SKIDA1: variants seen among roughly 807,000 people sequenced by gnomAD.
SKIDA1 encodes SKI/DACH domain containing 1.
A neutral mutation model predicts 51.4 loss-of-function variants in SKIDA1; 18 were observed. The observed-to-expected ratio is 0.35, with a 90% confidence interval of 0.24 to 0.52. The LOEUF (loss-of-function observed/expected upper bound fraction) is 0.52. SKIDA1 is among the 20% of genes least tolerant of loss of function. SKIDA1 has a pLI of 0.95. For missense variants in SKIDA1, 1,104 were observed against 1,180.6 expected (o/e 0.94, Z 0.95); for synonymous variants, 579 against 500.5 (o/e 1.16, Z -2.09).
rs1661557487 is a variant in SKIDA1 at position 21,523,855 on chromosome 10, C to T, written c.-2101G>A. ...TGGAGCCAATCACTGTCTTTCACTG[C>T]TGCAGCTACTGGGAACCTACAAAAA... is the stretch of plus-strand genomic sequence containing the variant. On this transcript the variant is annotated 5_prime_UTR_variant, in exon 2 of 4. Transcript: ENST00000449193. The T allele has an allele frequency of 6.7e-6, 1 of 149,778 alleles. No homozygotes were observed. The highest frequency in any genetic ancestry group is 6.7e-5 in the Admixed American group (1 of 14,946). 9.3% of individuals were successfully genotyped at this position (149,778 alleles called of 1,614,324 possible). A position where few individuals can be genotyped will look rare whatever the true frequency, so the allele number is the denominator to read the frequency against.
At position 21,525,644 on chromosome 10, in the gene SKIDA1, G is replaced by C. The variant is rs1484251692; in HGVS notation, c.-2215C>G. The C allele has an allele frequency of 6.6e-6, 1 of 152,456 alleles. No individual in the cohort carries two copies. 9.4% of individuals were successfully genotyped at this position (152,456 alleles called of 1,614,324 possible). ...GGAAGGGGAGGAGAGAGGAGAGGGAGGAGTAAATTCAACCACCCCCACTTG... is the reference window on the plus strand; with the variant it reads ...GGAAGGGGAGGAGAGAGGAGAGGGACGAGTAAATTCAACCACCCCCACTTG... On this transcript the variant is annotated 5_prime_UTR_variant, in exon 1 of 4. Coordinates refer to ENST00000449193, the MANE Select transcript of SKIDA1 (RefSeq NM_207371.4).
Position 21,518,477 on chromosome 10 carries a change from C to T in SKIDA1, c.-655G>A, listed in dbSNP as rs1176205597. On this transcript the variant is annotated 5_prime_UTR_variant, in exon 4 of 4. Transcript: ENST00000449193. ...TATATAAATCTTTCCATTAAACTAT[C>T]GGAGCTCAGAAACAGCCTGACTCAC... 2 of 166,212 alleles carry T rather than the reference C, an allele frequency of 1.2e-5. No individual in the cohort carries two copies. The allele number at this position is 166,212 out of a possible 1,614,324, so 10.3% of individuals were successfully genotyped here. A position where few individuals can be genotyped will look rare whatever the true frequency, so the allele number is the denominator to read the frequency against.
intron 1 of SKIDA1, among the ~76,000 whole-genome samples, chr10:21,524,951 G>A (rs926095018): frequency 2.6e-5 from 4 of 152,288 alleles, no homozygotes; most frequent in African/African-American, 7.2e-5. Context: ...AACTAAGAAT[G>A]AGAAAAAAGT....
Position 21,515,973 on chromosome 10 carries a change from G to T in SKIDA1, c.1850C>A (p.Ala617Asp), listed in dbSNP as rs2032188190. 2.5e-6 allele frequency: 4 copies of T among 1,613,910 alleles called. No individual in the cohort carries two copies. Among genetic ancestry groups the T allele is most frequent in the Non-Finnish European group, 3.4e-6 (4 of 1,179,838 alleles). ...AGAATCATTATTTAAGAACCTAGCA[G>T]CTATTGTGTTGTTATCTGCACAGTG... ...TTHCADNNTI[A>D]ARFLNNDSSG... The change falls in exon 4 of 4, where the codon GCT becomes GAT. Residue 617 changes from alanine (A) to aspartate (D), a missense_variant. By Grantham distance (126) the Ala-to-Asp change is moderately radical. Coordinates refer to ENST00000449193, the MANE Select transcript of SKIDA1 (RefSeq NM_207371.4).
At position 21,516,337 on chromosome 10, in the gene SKIDA1, G is replaced by T; in HGVS notation, c.1486C>A (p.Pro496Thr). ...HLASAAAATK[P>T]AAFEDAGRLP... ...CTGCCGGCATCCTCGAAAGCAGCGGGTTTGGTTGCAGCGGCGGCGGAGGCC... is the reference window on the plus strand; with the variant it reads ...CTGCCGGCATCCTCGAAAGCAGCGGTTTTGGTTGCAGCGGCGGCGGAGGCC... The change falls in exon 4 of 4, where the codon CCC becomes ACC. Residue 496 changes from proline (P) to threonine (T), a missense_variant. This residue lies in a region of SKIDA1 where 938 missense variants were observed against 886.4 expected (regional missense o/e 1.06). Coordinates refer to ENST00000449193, the MANE Select transcript of SKIDA1 (RefSeq NM_207371.4). The surrounding 1 kb of genome is among the most constrained non-coding windows in gnomAD (Gnocchi z 5.7). 1 of 1,613,708 alleles carries T rather than the reference G, an allele frequency of 6.2e-7. No individual in the cohort carries two copies. Among genetic ancestry groups the T allele is most frequent in the South Asian group, 1.1e-5 (1 of 91,088 alleles).
In SKIDA1 at chr10:21,516,999, C is replaced by A; in HGVS notation, c.824G>T (p.Arg275Leu). The A allele has an allele frequency of 8.9e-7, 1 of 1,129,562 alleles. No individual in the cohort carries two copies. Among genetic ancestry groups the A allele is most frequent in the Non-Finnish European group, 1.1e-6 (1 of 923,400 alleles). The allele number at this position is 1,129,562 out of a possible 1,614,324, so 70.0% of individuals were successfully genotyped here. The stretch of plus-strand genomic sequence containing the variant: ...GAGCAGGCAGTCCTTGGCGCCGCCG[C>A]GCTTGCGCTTGCAGCGGTAGCTCAG... ...GSLSYRCKRK[R>L]GGAKDCLLAP... is the part of the protein sequence containing the mutation. Residue 275 changes from arginine (R) to leucine (L), a missense_variant, in exon 4 of 4, where the codon CGC becomes CTC. Physicochemically the swap from Arg to Leu is moderately radical, Grantham distance 102 (BLOSUM62 -2). Around this residue, in one of 3 missense-constraint regions of SKIDA1, gnomAD observed 938 missense variants for 886.4 expected, o/e 1.06. Coordinates refer to ENST00000449193, the MANE Select transcript of SKIDA1 (RefSeq NM_207371.4). This position sits in a 1 kb window ranked among gnomAD's most constrained non-coding sequence, Gnocchi z 5.7.
chr10:21,516,570 C>CCCT lies in SKIDA1; in HGVS notation c.1250_1252dup (p.Glu417dup), dbSNP rs770850522. The CCCT allele has an allele frequency of 6.5e-7, 1 of 1,541,300 alleles. No individual in the cohort carries two copies. The highest frequency in any genetic ancestry group is 8.8e-7 in the Non-Finnish European group (1 of 1,139,656). ...CTCCTCTTCCTCCTCCTCCTCCTCT[C>CCCT]CCTCCTCCTCCTCTTCCTCTGAGGA... is the stretch of plus-strand genomic sequence containing the variant. On this transcript the variant is annotated inframe_insertion, in exon 4 of 4. Coordinates refer to ENST00000449193, the MANE Select transcript of SKIDA1 (RefSeq NM_207371.4). The surrounding 1 kb of genome is among the most constrained non-coding windows in gnomAD (Gnocchi z 5.7).
chr10:21,515,610 AAACCTTCCTTGG>A lies in SKIDA1; in HGVS notation c.2201_2212del (p.Ala734_Phe738delinsVal). 6.2e-7 allele frequency: 1 copy of A among 1,613,992 alleles called. No individual in the cohort carries two copies. Among genetic ancestry groups the A allele is most frequent in the South Asian group, 1.1e-5 (1 of 91,078 alleles). On this transcript the variant is annotated inframe_deletion, in exon 4 of 4. Transcript: ENST00000449193. ...AGGAGTTTCTTTTTCAGGGCATGCAAAACCTTCCTTGGCTGTGGTTAACAAGGCGTCCTCCTC... is the reference window on the plus strand; with the variant it reads ...AGGAGTTTCTTTTTCAGGGCATGCAACTGTGGTTAACAAGGCGTCCTCCTC...
rs1210884049 is a variant in SKIDA1, at chr10:21,517,711, T to C, written c.112A>G (p.Lys38Glu). ...ALSQVFTDLL[K>E]NIPRTTVHKR... The stretch of plus-strand genomic sequence containing the variant: ...TGCACGGTCGTCCTCGGGATGTTTT[T>C]CAGCAGATCTGTGAAGACTTGGGAG... Residue 38 changes from lysine to glutamate, a missense_variant, in exon 4 of 4, where the codon AAA (lysine) becomes GAA (glutamate). By Grantham distance (56) the Lys-to-Glu change is moderately conservative. This residue lies in a region of SKIDA1 where 54 missense variants were observed against 126.0 expected (regional missense o/e 0.43). Coordinates refer to ENST00000449193, the MANE Select transcript of SKIDA1 (RefSeq NM_207371.4). This position sits in a 1 kb window ranked among gnomAD's most constrained non-coding sequence, Gnocchi z 6.9. 1 of 1,614,000 alleles carries C rather than the reference T, an allele frequency of 6.2e-7. No homozygotes were observed. Among genetic ancestry groups the C allele is most frequent in the South Asian group, 1.1e-5 (1 of 91,080 alleles).
At position 21,519,598 on chromosome 10, in the gene SKIDA1, C is replaced by T. The variant is rs1486400556; in HGVS notation, c.-1776G>A. ...TGCAACCCAGGCATTTATGTGTTTC[C>T]TTGTTCCTCCAAAAATAGACACATC... On this transcript the variant is annotated 5_prime_UTR_variant, in exon 4 of 4. Transcript: ENST00000449193. 6.0e-6 allele frequency: 1 copy of T among 166,994 alleles called. No homozygotes were observed. Among genetic ancestry groups the T allele is most frequent in the African/African-American group, 2.4e-5 (1 of 41,430 alleles). The allele number at this position is 166,994 out of a possible 1,614,324, so 10.3% of individuals were successfully genotyped here.
Position 21,514,377 on chromosome 10 carries a change from A to G in SKIDA1, c.*719T>C, listed in dbSNP as rs552275551. 1 of 152,276 alleles carries G rather than the reference A, an allele frequency of 6.6e-6. No homozygotes were observed. Among genetic ancestry groups the G allele is most frequent in the East Asian group, 1.9e-4 (1 of 5,192 alleles). 9.4% of individuals were successfully genotyped at this position (152,276 alleles called of 1,614,324 possible). A position where few individuals can be genotyped will look rare whatever the true frequency, so the allele number is the denominator to read the frequency against. On this transcript the variant is annotated 3_prime_UTR_variant, in exon 4 of 4. Coordinates refer to ENST00000449193, the MANE Select transcript of SKIDA1 (RefSeq NM_207371.4). ...TTTCCTGTTGCAAAGGAGTGGCTTT[A>G]AAAGTAAAATCACACCCTTTACAAA...
Position 21,516,722 on chromosome 10 carries a change from C to T in SKIDA1, c.1101G>A (p.Arg367=), listed in dbSNP as rs758137659. 381 of 1,550,666 alleles carry T rather than the reference C, an allele frequency of 2.5e-4. No individual in the cohort carries two copies. The highest frequency in any genetic ancestry group is 3.2e-4 in the Non-Finnish European group (363 of 1,146,716). Residue 367 remains arginine, a synonymous_variant, in exon 4 of 4, where the codon CGG becomes CGA. Coordinates refer to ENST00000449193, the MANE Select transcript of SKIDA1 (RefSeq NM_207371.4). This position sits in a 1 kb window ranked among gnomAD's most constrained non-coding sequence, Gnocchi z 5.7. Reference sequence around the variant, plus strand: ...GAAAGCTGCCCAGATGGGGCTGCGGCCGGTGGTGGTGAGGGGGGTGGTGAC... The same window carrying T: ...GAAAGCTGCCCAGATGGGGCTGCGGTCGGTGGTGGTGAGGGGGGTGGTGAC... The part of the protein sequence containing the change: ...QQSHHPPHHH[R]PQPHLGSFPE...
rs2032249361 is a variant in SKIDA1 at position 21,517,005 on chromosome 10, C to G, written c.818G>C (p.Arg273Pro). The G allele has an allele frequency of 1.8e-6, 2 of 1,120,616 alleles. No homozygotes were observed. Among genetic ancestry groups the G allele is most frequent in the South Asian group, 3.2e-5 (1 of 30,892 alleles). 69.4% of individuals were successfully genotyped at this position (1,120,616 alleles called of 1,614,324 possible). A position where few individuals can be genotyped will look rare whatever the true frequency, so the allele number is the denominator to read the frequency against. ...GPGSLSYRCK[R>P]KRGGAKDCLL... The stretch of plus-strand genomic sequence containing the variant: ...GCAGTCCTTGGCGCCGCCGCGCTTG[C>G]GCTTGCAGCGGTAGCTCAGGCTCCC... Residue 273 changes from arginine to proline, a missense_variant, in exon 4 of 4, where the codon CGC becomes CCC. Coordinates refer to ENST00000449193, the MANE Select transcript of SKIDA1 (RefSeq NM_207371.4). The surrounding 1 kb of genome is among the most constrained non-coding windows in gnomAD (Gnocchi z 6.9).
intron 2 of SKIDA1, among the ~76,000 whole-genome samples, chr10:21,522,574 ATCT>A (rs1160516672): frequency 1.3e-5 from 2 of 152,220 alleles, no homozygotes; most frequent in African/African-American, 2.4e-5. Flanking sequence ...CTAATATCAC[ATCT>A]TCTCTGCTTT....
In SKIDA1 at chr10:21,517,348, C is replaced by T; in HGVS notation, c.475G>A (p.Gly159Ser). The change falls in exon 4 of 4, where the codon GGC becomes AGC. Residue 159 changes from glycine to serine, a missense_variant. By Grantham distance (56) the Gly-to-Ser change is moderately conservative. Transcript: ENST00000449193. The surrounding 1 kb of genome is among the most constrained non-coding windows in gnomAD (Gnocchi z 6.9). The part of the protein sequence containing the change: ...LPISAQSQRP[G>S]AAAARPAAHL... ...GCGGCGGGGCGCGCGGCGGCGGCGC[C>T]CGGGCGCTGGGACTGCGCGCTGATT... The T allele has an allele frequency of 7.1e-7, 1 of 1,417,740 alleles. No individual in the cohort carries two copies. Among genetic ancestry groups the T allele is most frequent in the Non-Finnish European group, 9.2e-7 (1 of 1,083,992 alleles). 87.8% of individuals were successfully genotyped at this position (1,417,740 alleles called of 1,614,324 possible). A position where few individuals can be genotyped will look rare whatever the true frequency, so the allele number is the denominator to read the frequency against.
At chr10:21,524,483 A>G (rs2032570258) in intron 1 of SKIDA1, among the ~76,000 whole-genome samples, 1 of 150,834 alleles carries the variant, frequency 6.6e-6, no homozygotes, top group African/African-American at 2.4e-5. Flanking sequence ...TTTTCTGGAG[A>G]GTTGCAGGCC....
At position 21,516,234 on chromosome 10, in the gene SKIDA1, G is replaced by C; in HGVS notation, c.1589C>G (p.Ser530Cys). The change falls in exon 4 of 4, where the codon TCT (serine) becomes TGT (cysteine). Residue 530 changes from serine to cysteine, a missense_variant. By Grantham distance (112) the Ser-to-Cys change is moderately radical (BLOSUM62 -1). This residue lies in a region of SKIDA1 where 938 missense variants were observed against 886.4 expected (regional missense o/e 1.06). Transcript: ENST00000449193. This position sits in a 1 kb window ranked among gnomAD's most constrained non-coding sequence, Gnocchi z 5.7. Reference sequence around the variant, plus strand: ...CAGGCTGGCCGGGCAGTACACCGGAGATGCTTTGGGGGCCCAGCTCTGCAG... The same window carrying C: ...CAGGCTGGCCGGGCAGTACACCGGACATGCTTTGGGGGCCCAGCTCTGCAG... ...WNLQSWAPKA[S>C]PVYCPASLGS... The C allele has an allele frequency of 6.2e-7, 1 of 1,614,052 alleles. No individual in the cohort carries two copies. Among genetic ancestry groups the C allele is most frequent in the Non-Finnish European group, 8.5e-7 (1 of 1,179,908 alleles).
chr10:21,517,296 T>C lies in SKIDA1; in HGVS notation c.527A>G (p.Tyr176Cys). ...GATCTCCGGGTAGTGCGAGCCGGGGTATTTGCTAAAAATCTGAGGTAGATG... is the reference window on the plus strand; with the variant it reads ...GATCTCCGGGTAGTGCGAGCCGGGGCATTTGCTAAAAATCTGAGGTAGATG... The part of the protein sequence containing the change: ...AAHLPQIFSK[Y>C]PGSHYPEIVR... The change falls in exon 4 of 4, where the codon TAC (tyrosine) becomes TGC (cysteine). Residue 176 changes from tyrosine to cysteine, a missense_variant. By Grantham distance (194) the Tyr-to-Cys change is radical. This residue lies in a region of SKIDA1 where 938 missense variants were observed against 886.4 expected (regional missense o/e 1.06). Transcript: ENST00000449193. The surrounding 1 kb of genome is among the most constrained non-coding windows in gnomAD (Gnocchi z 6.9). 6.8e-7 allele frequency: 1 copy of C among 1,465,576 alleles called. No homozygotes were observed. The allele number at this position is 1,465,576 out of a possible 1,614,324, so 90.8% of individuals were successfully genotyped here.
In SKIDA1 at chr10:21,513,927, A is replaced by G. The variant is rs1588678981; in HGVS notation, c.*1169T>C. On this transcript the variant is annotated 3_prime_UTR_variant, in exon 4 of 4. Transcript: ENST00000449193. Reference sequence around the variant, plus strand: ...GAAATATTCTGCTATTACGAGAAATATTTCAGCCCGGGCATGGTGGATCAC... The same window carrying G: ...GAAATATTCTGCTATTACGAGAAATGTTTCAGCCCGGGCATGGTGGATCAC... The G allele has an allele frequency of 6.6e-6, 1 of 152,116 alleles. No homozygotes were observed. Among genetic ancestry groups the G allele is most frequent in the African/African-American group, 2.4e-5 (1 of 41,424 alleles). 9.4% of individuals were successfully genotyped at this position (152,116 alleles called of 1,614,324 possible).
Sources: gnomAD v4.1 joint callset for allele counts (sites outside exome capture counted in the v4.1 genomes callset) on GRCh38, gnomAD v4.1.1 for gene constraint, gnomAD v4.1.1 regional missense constraint, Gnocchi (gnomAD v3.1) non-coding constraint, MANE v1.5 for transcripts, NCBI Gene and HGNC (gene_info 2026-07-23, HGNC 2026-07-21) for gene names.